The following OPTN variants were observed in gnomAD, a reference collection of about 807,000 sequenced individuals.
OPTN encodes optineurin.
OPTN carries 54 observed loss-of-function variants against 70.4 expected under a neutral mutation model. That is an observed-to-expected ratio of 0.77 (90% CI 0.62 to 0.96). The LOEUF (loss-of-function observed/expected upper bound fraction) is 0.96, where lower values mean the gene tolerates loss of function less well. Ranked by LOEUF, OPTN falls within the 40% of genes least tolerant of loss-of-function variation. The probability of loss-of-function intolerance (pLI) is 0.00; values close to 1 mark genes in which losing one functional copy is unlikely to be tolerated. For missense variants in OPTN, 624 were observed against 673.2 expected (o/e 0.93, Z 0.81); for synonymous variants, 256 against 248.5 (o/e 1.03, Z -0.28).
At chr10:13,102,437 A>G (rs921351701) in intron 1 of OPTN, among the ~76,000 whole-genome samples, 5 of 152,282 alleles carry the variant, frequency 3.3e-5, no homozygotes, top group African/African-American at 1.2e-4. Flanking sequence ...GCTGAAAGCC[A>G]GTCATTTAGG....
chr10:13,124,969 C>T (rs899019993), intron 9 of OPTN, among the ~76,000 whole-genome samples: 4 of 152,128 alleles, frequency 2.6e-5, no homozygotes, highest in African/African-American at 4.8e-5. Flanking sequence ...ATCCTCTTTC[C>T]GATCTTTAAG....
chr10:13,117,986 C>T (rs563886750), intron 6 of OPTN, among the ~76,000 whole-genome samples: 1 of 152,158 alleles, frequency 6.6e-6, no homozygotes, highest in South Asian at 2.1e-4. Flanking sequence ...TATTTAAAGA[C>T]GTTCCTGGAA....
rs558143290 is a variant in OPTN at position 13,127,762 on chromosome 10, G to C, written c.1260G>C (p.Arg420Ser). ...TTTTTCAGTCAGAAAAAGTGGACAG[G>C]GCAGTGCTGAAGGAACTGAGTGAAA... ...LTRKESEKVD[R>S]AVLKELSEKL... The change falls in exon 12 of 15, where the codon AGG becomes AGC. Residue 420 changes from arginine (R) to serine (S), a missense_variant. Physicochemically the swap from Arg to Ser is moderately radical, Grantham distance 110. Coordinates refer to ENST00000378747, the MANE Select transcript of OPTN (RefSeq NM_001008212.2). 6.2e-7 allele frequency: 1 copy of C among 1,614,106 alleles called. No individual in the cohort carries two copies. The highest frequency in any genetic ancestry group is 2.2e-5 in the East Asian group (1 of 44,882).
rs1322947024 is a variant in OPTN at position 13,125,482 on chromosome 10, G to A, written c.1063G>A (p.Val355Ile). 2 of 1,614,014 alleles carry A rather than the reference G, an allele frequency of 1.2e-6. No homozygotes were observed. The highest frequency in any genetic ancestry group is 1.7e-6 in the Non-Finnish European group (2 of 1,180,014). ...PSELNEKQEL[V>I]YTNKKLELQV... ...AGAGTTGAATGAAAAGCAAGAGCTT[G>A]TTTATACTAACAAAAAGTTAGAGCT... The change falls in exon 10 of 15, where the codon GTT becomes ATT. Residue 355 changes from valine to isoleucine, a missense_variant. Physicochemically the swap from Val to Ile is conservative, Grantham distance 29. Transcript: ENST00000378747.
At chr10:13,104,564 A>AT (rs1264873847) in intron 1 of OPTN, 3 of 611,428 alleles carry the variant, frequency 4.9e-6, no homozygotes, top group African/African-American at 1.9e-5. Flanking sequence ...CTGAACAGCC[A>AT]TTTTTTATAC....
intron 6 of OPTN, among the ~76,000 whole-genome samples, chr10:13,117,826 T>C (rs1404745818): frequency 6.6e-6 from 1 of 152,234 alleles, no homozygotes; most frequent in Non-Finnish European, 1.5e-5. Flanking sequence ...TGAAAAAAAT[T>C]GTCTTCCGTT....
chr10:13,116,665 G>T (rs1833215966), intron 6 of OPTN: 1 of 392,152 alleles, frequency 2.6e-6, no homozygotes, highest in Non-Finnish European at 4.8e-6. Flanking sequence ...TTTGCTCATT[G>T]GTTCCCCGGT....
chr10:13,127,906 G>A lies in OPTN; in HGVS notation c.1401+3G>A. The A allele has an allele frequency of 6.2e-7, 1 of 1,614,130 alleles. No homozygotes were observed. The highest frequency in any genetic ancestry group is 2.2e-5 in the East Asian group (1 of 44,868). On this transcript the variant is annotated splice_donor_region_variant and intron_variant, in intron 12 of 14. Coordinates refer to ENST00000378747, the MANE Select transcript of OPTN (RefSeq NM_001008212.2). ...CCATGACCATCCTCAGGGCTCAGGT[G>A]AGGCACCTTCCAAAACCCCAGCTGA...
At position 13,123,948 on chromosome 10, in the gene OPTN, G is replaced by T. The variant is rs775277164; in HGVS notation, c.883-47G>T. 5 of 1,395,194 alleles carry T rather than the reference G, an allele frequency of 3.6e-6. No individual in the cohort carries two copies. The South Asian group carries it at 5.9e-5, about 16-fold the overall frequency. 86.4% of individuals were successfully genotyped at this position (1,395,194 alleles called of 1,614,324 possible). ...TTTCTCCTAAAGAGGTTTGTTTAATGTCAGATGATAATTGTACAGATATGT... is the reference window on the plus strand; with the variant it reads ...TTTCTCCTAAAGAGGTTTGTTTAATTTCAGATGATAATTGTACAGATATGT... On this transcript the variant is annotated intron_variant, in intron 8 of 14. Transcript: ENST00000378747.
chr10:13,132,110 G>A lies in OPTN; in HGVS notation c.1445G>A (p.Arg482Lys). ...CSDFHAERAA[R>K]EKIHEEKEQL... Reference sequence around the variant, plus strand: ...GATTTTCATGCTGAAAGAGCAGCGAGAGAGAAAATTCATGAGGAAAAGGAG... The same window carrying A: ...GATTTTCATGCTGAAAGAGCAGCGAAAGAGAAAATTCATGAGGAAAAGGAG... The change falls in exon 13 of 15, where the codon AGA becomes AAA. Residue 482 changes from arginine (R) to lysine (K), a missense_variant. Physicochemically the swap from Arg to Lys is conservative, Grantham distance 26. Transcript: ENST00000378747. The A allele has an allele frequency of 6.2e-7, 1 of 1,613,614 alleles. No individual in the cohort carries two copies. Among genetic ancestry groups the A allele is most frequent in the Non-Finnish European group, 8.5e-7 (1 of 1,179,670 alleles).
intron 14 of OPTN, among the ~76,000 whole-genome samples, chr10:13,134,559 A>C (rs922343631): frequency 6.6e-6 from 1 of 152,076 alleles, no homozygotes; most frequent in African/African-American, 2.4e-5. Flanking sequence ...CAGCCTCCCA[A>C]GTAGCTAGGA....
chr10:13,127,111 C>T (rs999579566), intron 11 of OPTN, among the ~76,000 whole-genome samples: 1 of 152,144 alleles, frequency 6.6e-6, no homozygotes, highest in African/African-American at 2.4e-5. Context: ...TAGAAGGGAT[C>T]TTTGAATTTT....
intron 9 of OPTN, among the ~76,000 whole-genome samples, 164 bp downstream of exon 9, chr10:13,124,274 A>G (rs1405881928): frequency 1.3e-5 from 2 of 152,250 alleles, no homozygotes; most frequent in African/African-American, 4.8e-5. Flanking sequence ...TTAATGTGTG[A>G]GCATGAAATA....
intron 5 of OPTN, among the ~76,000 whole-genome samples, chr10:13,113,477 C>T (rs1002279235): frequency 1.1e-4 from 17 of 152,168 alleles, no homozygotes; most frequent in Non-Finnish European, 2.2e-4. Context: ...ACTCAGGAGC[C>T]TCTGAGAACT....
intron 12 of OPTN, among the ~76,000 whole-genome samples, chr10:13,130,294 G>A (rs1411834226): frequency 2.0e-5 from 3 of 151,454 alleles, no homozygotes; most frequent in Non-Finnish European, 2.9e-5. Flanking sequence ...GCGTGTTGGC[G>A]GGCACCTGTA....
At chr10:13,123,943 T>A (rs941738725) in intron 8 of OPTN, 52 bp from the exon 9 acceptor site, 1 of 1,360,344 alleles carries the variant, frequency 7.4e-7, no homozygotes, top group Non-Finnish European at 1.0e-6. Context: ...AGAGGTTTGT[T>A]TAATGTCAGA....
rs11258194 is a variant in OPTN at position 13,110,400 on chromosome 10, T to A, written c.293T>A (p.Met98Lys). ...IQSKEAKERL[M>K]ALSHENEKLK... ...AGCAAAGAAGCAAAAGAGCGTCTAA[T>A]GGCCTTGAGTCATGAGAATGAGAAA... is the stretch of plus-strand genomic sequence containing the variant. Residue 98 changes from methionine (M) to lysine (K), a missense_variant, in exon 4 of 15, where the codon ATG becomes AAG. Coordinates refer to ENST00000378747, the MANE Select transcript of OPTN (RefSeq NM_001008212.2). 59,828 of 1,614,026 alleles carry A rather than the reference T, an allele frequency of 0.037. 1,623 individuals carry two copies. The highest frequency in any genetic ancestry group is 0.12 in the African/African-American group (9,015 of 74,982).
At chr10:13,108,739 G>C (rs1249309689) in intron 2 of OPTN, among the ~76,000 whole-genome samples, 1 of 151,946 alleles carries the variant, frequency 6.6e-6, no homozygotes, top group Non-Finnish European at 1.5e-5. Context: ...GTAGAGACGG[G>C]GTTTCACTGT....
At chr10:13,101,966 A>G (rs868076930) in intron 1 of OPTN, among the ~76,000 whole-genome samples, 2 of 152,238 alleles carry the variant, frequency 1.3e-5, no homozygotes, top group South Asian at 2.1e-4. Flanking sequence ...GCTATGTGCC[A>G]GTCTCTAGTA....
Sources: allele counts gnomAD v4.1 joint callset (sites outside exome capture counted in the v4.1 genomes callset), GRCh38; gene constraint gnomAD v4.1.1; transcripts MANE v1.5; gene names NCBI Gene and HGNC (gene_info 2026-07-23, HGNC 2026-07-21).